RABL3: variants seen among roughly 807,000 people sequenced by gnomAD.
The protein encoded by RABL3 is rab-like protein 3.
A neutral mutation model predicts 31.8 loss-of-function variants in RABL3; 31 were observed. That is an observed-to-expected ratio of 0.97 (90% CI 0.73 to 1.31). The LOEUF (loss-of-function observed/expected upper bound fraction) is 1.31. Among genes scored for constraint, RABL3 ranks in the 40% most tolerant of loss-of-function variants. The pLI is 0.00. For synonymous variants in RABL3, 97 were observed against 99.9 expected (o/e 0.97, Z 0.18); for missense variants, 263 against 279.6 (o/e 0.94, Z 0.42).
At chr3:120,738,082 AG>A (rs1197104829) in intron 1 of RABL3, among the ~76,000 whole-genome samples, 1 of 152,130 alleles carries the variant, frequency 6.6e-6, no homozygotes, top group East Asian at 1.9e-4. Flanking sequence ...CAGAGGTTTC[AG>A]GCTATGCCCT....
intron 1 of RABL3, among the ~76,000 whole-genome samples, chr3:120,734,605 C>T (rs1327960934): frequency 3.3e-5 from 5 of 152,170 alleles, no homozygotes; most frequent in African/African-American, 1.2e-4. Context: ...TGAGAGAGGG[C>T]ATCCTTGTCT....
chr3:120,688,831 T>A lies in RABL3; in HGVS notation c.*992A>T, dbSNP rs542061122. 6.6e-6 allele frequency: 1 copy of A among 152,054 alleles called. No individual in the cohort carries two copies. Among genetic ancestry groups the A allele is most frequent in the African/African-American group, 2.4e-5 (1 of 41,406 alleles). The allele number at this position is 152,054 out of a possible 1,614,324, so 9.4% of individuals were successfully genotyped here. ...ACACACACACCATCCCCAAAAAGCT[T>A]TGGAGTGATTATGAAATCCAAGAAT... On this transcript the variant is annotated 3_prime_UTR_variant, in exon 8 of 8. Transcript: ENST00000273375.
At chr3:120,730,610 G>T in intron 2 of RABL3, 86 bp downstream of exon 2, 1 of 898,274 alleles carries the variant, frequency 1.1e-6, no homozygotes, top group South Asian at 1.5e-5. Flanking sequence ...TATTGATCTT[G>T]ACCATAGTAC....
chr3:120,737,448 C>T (rs1473629563), intron 1 of RABL3, among the ~76,000 whole-genome samples: 34 of 152,186 alleles, frequency 2.2e-4, no homozygotes. Flanking sequence ...AGGTTTTTAG[C>T]TTCTTTGCAA....
At chr3:120,727,763 T>C (rs1708839359) in intron 2 of RABL3, among the ~76,000 whole-genome samples, 1 of 152,184 alleles carries the variant, frequency 6.6e-6, no homozygotes, top group Non-Finnish European at 1.5e-5. Flanking sequence ...TTAGAGTTAT[T>C]ACAGGATTGC....
At position 120,727,645 on chromosome 3, in the gene RABL3, A is replaced by G. The variant is rs565053778; in HGVS notation, c.138+3051T>C. On this transcript the variant is annotated intron_variant, in intron 2 of 7. Coordinates refer to ENST00000273375, the MANE Select transcript of RABL3 (RefSeq NM_173825.5). ...GAAAACCCACAATGAGATTACAAGA[A>G]AAGAAAATGATGGGACAATCTTTCC... Among the ~76,000 whole-genome samples the G allele has an allele frequency of 8.5e-4, 130 of 152,322 alleles. 1 individual carries two copies. The highest frequency in any genetic ancestry group is 1.5e-3 in the Non-Finnish European group (105 of 68,010).
chr3:120,716,057 T>TC, intron 2 of RABL3, among the ~76,000 whole-genome samples: 1 of 152,338 alleles, frequency 6.6e-6, no homozygotes. Context: ...TCTAATTTCT[T>TC]CCCAGTGTCT....
At chr3:120,737,485 G>C (rs7637037) in intron 1 of RABL3, among the ~76,000 whole-genome samples, 3 of 152,026 alleles carry the variant, frequency 2.0e-5, no homozygotes, top group Non-Finnish European at 4.4e-5. Flanking sequence ...CCTTTAGCTC[G>C]GAGAAGTTTG....
At chr3:120,731,167 G>C (rs1708878016) in intron 1 of RABL3, among the ~76,000 whole-genome samples, 1 of 152,130 alleles carries the variant, frequency 6.6e-6, no homozygotes, top group Non-Finnish European at 1.5e-5. Context: ...CTTTCCTTTT[G>C]AATGATTTAA....
chr3:120,702,275 T>C (rs1284478893), intron 4 of RABL3, among the ~76,000 whole-genome samples: 1 of 152,078 alleles, frequency 6.6e-6, no homozygotes, highest in African/African-American at 2.4e-5. Context: ...TGGACAGGTG[T>C]TTGGGGGATG....
In RABL3 at chr3:120,685,926, C is replaced by G. The variant is rs952741872; in HGVS notation, c.*3897G>C. ...TCGTGGAATCTGCATTTTCAGCAAG[C>G]ACTTCAGGGGATTCTTACACACTTC... On this transcript the variant is annotated 3_prime_UTR_variant, in exon 8 of 8. Coordinates refer to ENST00000273375, the MANE Select transcript of RABL3 (RefSeq NM_173825.5). 6.6e-6 allele frequency among the ~76,000 whole-genome samples: 1 copy of G among 152,196 alleles called. No homozygotes were observed. Among genetic ancestry groups the G allele is most frequent in the Non-Finnish European group, 1.5e-5 (1 of 68,032 alleles).
chr3:120,730,311 C>T (rs1487653097), intron 2 of RABL3, among the ~76,000 whole-genome samples: 13 of 152,166 alleles, frequency 8.5e-5, no homozygotes. Context: ...AGACATGAAG[C>T]TCCAGGAGCT....
chr3:120,704,183 C>G (rs1433958924), intron 4 of RABL3, among the ~76,000 whole-genome samples: 1 of 152,110 alleles, frequency 6.6e-6, no homozygotes, highest in Non-Finnish European at 1.5e-5. Context: ...AATCCAGCAA[C>G]ACATAAAATG....
intron 4 of RABL3, among the ~76,000 whole-genome samples, chr3:120,700,739 G>A (rs951418462): frequency 9.9e-5 from 15 of 152,034 alleles, no homozygotes; most frequent in African/African-American, 3.6e-4. Context: ...AAATAATCCA[G>A]TTGAGAGTGG....
chr3:120,733,854 T>A, intron 1 of RABL3, among the ~76,000 whole-genome samples: 1 of 152,216 alleles, frequency 6.6e-6, no homozygotes. Context: ...TTGTCAAAGA[T>A]TAGATGGTTG....
chr3:120,710,917 T>C (rs926817654), intron 2 of RABL3, among the ~76,000 whole-genome samples: 1 of 152,128 alleles, frequency 6.6e-6, no homozygotes, highest in African/African-American at 2.4e-5. Context: ...TTTGAACTCA[T>C]TTCTATCGAA....
intron 3 of RABL3, 138 bp from the exon 4 acceptor site, chr3:120,706,252 A>G (rs1359438060): frequency 5.1e-6 from 3 of 582,724 alleles, no homozygotes; most frequent in African/African-American, 3.8e-5. Flanking sequence ...CAACTCAGAG[A>G]CAATTATTTT....
chr3:120,689,297 T>C lies in RABL3; in HGVS notation c.*526A>G, dbSNP rs953698001. 6.6e-6 allele frequency: 1 copy of C among 152,248 alleles called. No individual in the cohort carries two copies. Among genetic ancestry groups the C allele is most frequent in the African/African-American group, 2.4e-5 (1 of 41,450 alleles). 9.4% of individuals were successfully genotyped at this position (152,248 alleles called of 1,614,324 possible). A position where few individuals can be genotyped will look rare whatever the true frequency, so the allele number is the denominator to read the frequency against. On this transcript the variant is annotated 3_prime_UTR_variant, in exon 8 of 8. Transcript: ENST00000273375. ...AAGGGTTGCTATTATTAGGCATTCC[T>C]GTGTGTGACAATGGTGGAGACAATT...
chr3:120,714,332 G>C (rs1187968596), intron 2 of RABL3, among the ~76,000 whole-genome samples: 1 of 152,174 alleles, frequency 6.6e-6, no homozygotes, highest in Non-Finnish European at 1.5e-5. Flanking sequence ...CACAGGAGCA[G>C]AAATTAATTT....
Sources: gnomAD v4.1 joint callset for allele counts (sites outside exome capture counted in the v4.1 genomes callset) on GRCh38, gnomAD v4.1.1 for gene constraint, MANE v1.5 for transcripts, NCBI Gene and HGNC (gene_info 2026-07-23, HGNC 2026-07-21) for gene names.